Variants in FBRS observed in about 807,000 individuals in gnomAD.
FBRS encodes the protein probable fibrosin-1.
A neutral mutation model predicts 86.1 loss-of-function variants in FBRS; 15 were observed. The ratio of observed to expected loss-of-function variants is 0.17; its 90% CI spans 0.12 to 0.27. The LOEUF (loss-of-function observed/expected upper bound fraction) is 0.27, where lower values mean the gene tolerates loss of function less well. Among genes scored for constraint, FBRS ranks in the 10% least tolerant of loss-of-function variants. FBRS has a pLI of 1.00. For missense variants in FBRS, 1,367 were observed against 1,301.6 expected (o/e 1.05, Z -0.77); for synonymous variants, 666 against 575.8 (o/e 1.16, Z -2.24).
rs1252314868 is a variant in FBRS, at chr16:30,668,540, A to G, written c.2075-20A>G. ...GCACCGGCTGCCCAGTGCTCTGACC[A>G]CCCCCCTTTCCTCCCACAGATCCCT... On this transcript the variant is annotated intron_variant, in intron 15 of 17. Coordinates refer to ENST00000356166, the MANE Select transcript of FBRS (RefSeq NM_001105079.3). 6 of 1,601,922 alleles carry G rather than the reference A, an allele frequency of 3.7e-6. No homozygotes were observed. The African/African-American group carries it at 6.7e-5, about 18-fold the overall frequency.
chr16:30,665,241 ACGGG>A lies in FBRS; in HGVS notation c.1609-63_1609-60del, dbSNP rs1167210881. 5 of 1,530,588 alleles carry A rather than the reference ACGGG, an allele frequency of 3.3e-6. No individual in the cohort carries two copies. The African/African-American group carries it at 6.9e-5, about 21-fold the overall frequency. 94.8% of individuals were successfully genotyped at this position (1,530,588 alleles called of 1,614,324 possible). A position where few individuals can be genotyped will look rare whatever the true frequency, so the allele number is the denominator to read the frequency against. Reference sequence around the variant, plus strand: ...CTTTAGGGTGGAGGCCCGTGGACTGACGGGCAGGCTGGACTTGGGCTGCGCCTCC... The same window carrying A: ...CTTTAGGGTGGAGGCCCGTGGACTGACAGGCTGGACTTGGGCTGCGCCTCC... On this transcript the variant is annotated intron_variant, in intron 9 of 17. Transcript: ENST00000356166. The surrounding 1 kb of genome is among the most constrained non-coding windows in gnomAD (Gnocchi z 4.1).
At position 30,664,549 on chromosome 16, in the gene FBRS, G is replaced by A. The variant is rs2052499521; in HGVS notation, c.1357+33G>A. 2.8e-6 allele frequency: 4 copies of A among 1,423,924 alleles called. No individual in the cohort carries two copies. The Admixed American group carries it at 8.8e-5, about 31-fold the overall frequency. 88.2% of individuals were successfully genotyped at this position (1,423,924 alleles called of 1,614,324 possible). The stretch of plus-strand genomic sequence containing the variant: ...TGGGGTCCTGGCCGGGGGGTGGGGG[G>A]CCATCACCCCGGGCTCGGGCCCAGT... On this transcript the variant is annotated intron_variant, in intron 7 of 17. Coordinates refer to ENST00000356166, the MANE Select transcript of FBRS (RefSeq NM_001105079.3).
rs1340051678 is a variant in FBRS at position 30,670,450 on chromosome 16, T to A, written c.*805T>A. On this transcript the variant is annotated 3_prime_UTR_variant, in exon 18 of 18. Coordinates refer to ENST00000356166, the MANE Select transcript of FBRS (RefSeq NM_001105079.3). ...CCTCTAAATCTCAGACTCCACCACC[T>A]CTTAATGGCTCAGTCCCCTTCACCC... 2.0e-5 allele frequency: 7 copies of A among 347,360 alleles called. No individual in the cohort carries two copies. In the East Asian group the frequency reaches 5.8e-4, roughly 29 times the overall value. The allele number at this position is 347,360 out of a possible 1,614,324, so 21.5% of individuals were successfully genotyped here. A position where few individuals can be genotyped will look rare whatever the true frequency, so the allele number is the denominator to read the frequency against.
In FBRS at chr16:30,659,722, G is replaced by A; in HGVS notation, c.204G>A (p.Ser68=). 9.2e-6 allele frequency: 11 copies of A among 1,194,790 alleles called. No individual in the cohort carries two copies. The highest frequency in any genetic ancestry group is 1.2e-5 in the Non-Finnish European group (10 of 865,638). 74.0% of individuals were successfully genotyped at this position (1,194,790 alleles called of 1,614,324 possible). Residue 68 remains serine (S), a synonymous_variant, in exon 1 of 18, where the codon TCG becomes TCA. Coordinates refer to ENST00000356166, the MANE Select transcript of FBRS (RefSeq NM_001105079.3). ...CGCCGCCGCCCGCCAGGCCTTGGTCGTCAGCTTCGTCTGGAGAGCGGCCTG... is the reference window on the plus strand; with the variant it reads ...CGCCGCCGCCCGCCAGGCCTTGGTCATCAGCTTCGTCTGGAGAGCGGCCTG... ...SSPPPPARPW[S]SASSGERPGG...
intron 2 of FBRS, chr16:30,660,686 G>C (rs2052449392): frequency 3.4e-6 from 2 of 589,270 alleles, no homozygotes; most frequent in Admixed American, 3.9e-5. Flanking sequence ...GGCGTCAAAG[G>C]AATATAGTTG....
intron 15 of FBRS, 139 bp from the exon 16 acceptor site, chr16:30,668,421 A>G (rs1201876030): frequency 4.1e-6 from 3 of 723,440 alleles, no homozygotes; most frequent in African/African-American, 3.5e-5. Flanking sequence ...TTCCTGGCCC[A>G]AGGAAGTGCT....
In FBRS at chr16:30,669,388, C is replaced by T. The variant is rs143154229; in HGVS notation, c.2686C>T (p.Arg896Cys). 21 of 1,612,696 alleles carry T rather than the reference C, an allele frequency of 1.3e-5. No individual in the cohort carries two copies. The highest frequency in any genetic ancestry group is 8.9e-5 in the East Asian group (4 of 44,880). The change falls in exon 18 of 18, where the codon CGC becomes TGC. Residue 896 changes from arginine (R) to cysteine (C), a missense_variant. By Grantham distance (180) the Arg-to-Cys change is radical. Around this residue, in one of 3 missense-constraint regions of FBRS, gnomAD observed 659 missense variants for 678.8 expected, o/e 0.97. Coordinates refer to ENST00000356166, the MANE Select transcript of FBRS (RefSeq NM_001105079.3). The surrounding 1 kb of genome is among the most constrained non-coding windows in gnomAD (Gnocchi z 5.9). Reference sequence around the variant, plus strand: ...ACCCCCACGCCTGGCAAGGCCACCCCGCTTCTATGAGGCGGGTGAGGAGCT... The same window carrying T: ...ACCCCCACGCCTGGCAAGGCCACCCTGCTTCTATGAGGCGGGTGAGGAGCT... The part of the protein sequence containing the change: ...AAPPRLARPP[R>C]FYEAGEELTG...
In FBRS at chr16:30,670,468, C is replaced by T; in HGVS notation, c.*823C>T. On this transcript the variant is annotated 3_prime_UTR_variant, in exon 18 of 18. Transcript: ENST00000356166. ...CACCACCTCTTAATGGCTCAGTCCC[C>T]TTCACCCCATTTCCAAGTGCCCCCA... The T allele has an allele frequency of 3.0e-6, 1 of 333,074 alleles. No individual in the cohort carries two copies. 20.6% of individuals were successfully genotyped at this position (333,074 alleles called of 1,614,324 possible).
In FBRS at chr16:30,659,173, G is replaced by T. The variant is rs1370790162; in HGVS notation, c.-346G>T. On this transcript the variant is annotated 5_prime_UTR_variant, in exon 1 of 18. Transcript: ENST00000356166. ...GGAGACTTGCATCGACCCCTGGCAGGGGGTGGCCACCGCACTAGGCCGCCG... is the reference window on the plus strand; with the variant it reads ...GGAGACTTGCATCGACCCCTGGCAGTGGGTGGCCACCGCACTAGGCCGCCG... 4 of 153,430 alleles carry T rather than the reference G, an allele frequency of 2.6e-5. No homozygotes were observed. The highest frequency in any genetic ancestry group is 9.6e-5 in the African/African-American group (4 of 41,498). The allele number at this position is 153,430 out of a possible 1,614,324, so 9.5% of individuals were successfully genotyped here. A position where few individuals can be genotyped will look rare whatever the true frequency, so the allele number is the denominator to read the frequency against.
At position 30,662,656 on chromosome 16, in the gene FBRS, G is replaced by C; in HGVS notation, c.852G>C (p.Pro284=). The C allele has an allele frequency of 6.5e-7, 1 of 1,548,030 alleles. No individual in the cohort carries two copies. Among genetic ancestry groups the C allele is most frequent in the Admixed American group, 2.0e-5 (1 of 50,732 alleles). The change falls in exon 6 of 18, where the codon CCG becomes CCC. Residue 284 remains proline, a synonymous_variant. Coordinates refer to ENST00000356166, the MANE Select transcript of FBRS (RefSeq NM_001105079.3). The part of the protein sequence containing the change: ...SGLERSQEQP[P]GPDPLLVPFP... ...TGGAGCGGAGCCAAGAACAGCCCCC[G>C]GGGCCCGACCCGCTGCTAGTGCCTT...
Position 30,669,684 on chromosome 16 carries a change from C to T in FBRS, c.*39C>T. ...GGGTCGGGGCAAAGCTCCATCTCCC[C>T]TTCCTTTAACCAGGTCCTAGGGCTG... On this transcript the variant is annotated 3_prime_UTR_variant, in exon 18 of 18. Transcript: ENST00000356166. This position sits in a 1 kb window ranked among gnomAD's most constrained non-coding sequence, Gnocchi z 5.9. The T allele has an allele frequency of 6.5e-7, 1 of 1,544,766 alleles. No individual in the cohort carries two copies. The highest frequency in any genetic ancestry group is 8.7e-7 in the Non-Finnish European group (1 of 1,153,818).
At chr16:30,663,010 C>T in intron 6 of FBRS, 151 bp downstream of exon 6, 1 of 1,268,070 alleles carries the variant, frequency 7.9e-7, no homozygotes, top group African/African-American at 1.5e-5. Flanking sequence ...GACTGCAGGA[C>T]TTATTTGAGT....
In FBRS at chr16:30,669,794, AC is replaced by A; in HGVS notation, c.*154del. 2.0e-6 allele frequency: 2 copies of A among 1,014,306 alleles called. No individual in the cohort carries two copies. Among genetic ancestry groups the A allele is most frequent in the Non-Finnish European group, 2.8e-6 (2 of 715,772 alleles). The allele number at this position is 1,014,306 out of a possible 1,614,324, so 62.8% of individuals were successfully genotyped here. On this transcript the variant is annotated 3_prime_UTR_variant, in exon 18 of 18. Coordinates refer to ENST00000356166, the MANE Select transcript of FBRS (RefSeq NM_001105079.3). This position sits in a 1 kb window ranked among gnomAD's most constrained non-coding sequence, Gnocchi z 5.9. Reference sequence around the variant, plus strand: ...ATGGAACCTGGGAACAGAAGCCTCAACCCCCACAAGACCAAGCATCACATGG... The same window carrying A: ...ATGGAACCTGGGAACAGAAGCCTCAACCCCACAAGACCAAGCATCACATGG...
chr16:30,669,215 CTG>C lies in FBRS; in HGVS notation c.2514_2515del (p.Ala839CysfsTer21). The C allele has an allele frequency of 1.3e-6, 2 of 1,544,370 alleles. No individual in the cohort carries two copies. Among genetic ancestry groups the C allele is most frequent in the Non-Finnish European group, 1.7e-6 (2 of 1,143,582 alleles). On this transcript the variant is annotated frameshift_variant, in exon 18 of 18. Transcript: ENST00000356166. LOFTEE classifies it high-confidence loss of function. This position sits in a 1 kb window ranked among gnomAD's most constrained non-coding sequence, Gnocchi z 5.9. ...GAGGCTGCCGCCGCCGCTGCCGCTG[CTG>C]CTGCCGCCGCCGCTGCCGCCGCCGC...
intron 13 of FBRS, 87 bp from the exon 14 acceptor site, chr16:30,667,233 C>A: frequency 8.5e-7 from 1 of 1,178,160 alleles, no homozygotes; most frequent in Non-Finnish European, 1.2e-6. Flanking sequence ...TGCCAGCCAG[C>A]CTTTGGAGGG....
At chr16:30,660,494 G>A (rs2052446016) in intron 2 of FBRS, 52 bp downstream of exon 2, 8 of 1,255,518 alleles carry the variant, frequency 6.4e-6, no homozygotes, top group Admixed American at 8.0e-5. Context: ...CCACAGCCCC[G>A]TTTTTCATCA....
At chr16:30,667,052 G>A in intron 13 of FBRS, 62 bp downstream of exon 13, 1 of 1,496,032 alleles carries the variant, frequency 6.7e-7, no homozygotes, top group Non-Finnish European at 9.1e-7. Context: ...TGAGCTCTGG[G>A]CATTGGCCCT....
Position 30,667,300 on chromosome 16 carries a change from T to C in FBRS, c.1876-20T>C. 1 of 1,523,140 alleles carries C rather than the reference T, an allele frequency of 6.6e-7. No homozygotes were observed. The highest frequency in any genetic ancestry group is 8.9e-7 in the Non-Finnish European group (1 of 1,125,736). The allele number at this position is 1,523,140 out of a possible 1,614,324, so 94.4% of individuals were successfully genotyped here. ...AGACTGGCTCCTCATGTACTGCCCC[T>C]CTCCCTGTGTCCCACACAGGGTGAC... On this transcript the variant is annotated intron_variant, in intron 13 of 17. Coordinates refer to ENST00000356166, the MANE Select transcript of FBRS (RefSeq NM_001105079.3).
At position 30,668,961 on chromosome 16, in the gene FBRS, C is replaced by T. The variant is rs2052557078; in HGVS notation, c.2348C>T (p.Thr783Ile). The T allele has an allele frequency of 1.3e-6, 2 of 1,583,588 alleles. No individual in the cohort carries two copies. Among genetic ancestry groups the T allele is most frequent in the South Asian group, 2.3e-5 (2 of 86,740 alleles). ...GTGGAGCGGAGGGAGCCCTCCATCA[C>T]CAAGGAGGAGAAGGACAGGTGTGCC... ...RPVERREPSI[T>I]KEEKDRDLPF... Residue 783 changes from threonine to isoleucine, a missense_variant, in exon 17 of 18, where the codon ACC becomes ATC. By Grantham distance (89) the Thr-to-Ile change is moderately conservative. This residue lies in a region of FBRS where 659 missense variants were observed against 678.8 expected (regional missense o/e 0.97). Coordinates refer to ENST00000356166, the MANE Select transcript of FBRS (RefSeq NM_001105079.3).
Sources: allele counts gnomAD v4.1 joint callset, GRCh38; gene constraint gnomAD v4.1.1; regional missense constraint gnomAD v4.1.1; non-coding constraint Gnocchi (gnomAD v3.1); transcripts MANE v1.5; gene names NCBI Gene and HGNC (gene_info 2026-07-23, HGNC 2026-07-21).